ITFG2: variants seen among roughly 807,000 people sequenced by gnomAD.
ITFG2 encodes the protein integrin alpha FG-GAP repeat containing 2, also known as KICSTOR complex protein ITFG2.
A neutral mutation model predicts 54.4 loss-of-function variants in ITFG2; 36 were observed. The observed-to-expected ratio is 0.66, with a 90% CI of 0.51 to 0.87. The LOEUF is 0.87. ITFG2 is among the 40% of genes least tolerant of loss of function. The probability of loss-of-function intolerance (pLI) is 0.00; values close to 1 mark genes in which losing one functional copy is unlikely to be tolerated. For missense variants in ITFG2, 524 were observed against 576.7 expected (o/e 0.91, Z 0.94); for synonymous variants, 211 against 225.4 (o/e 0.94, Z 0.57).
At chr12:2,827,950 C>G, downstream of ITFG2, 1 of 1,614,216 alleles carries the variant, frequency 6.2e-7, no homozygotes, top group Non-Finnish European at 8.5e-7. This position sits in a 1 kb window ranked among gnomAD's most constrained non-coding sequence, Gnocchi z 4.0. Context: ...GAGCACACCA[C>G]AGTCTCCTGC....
At chr12:2,854,992 T>C in intron 2 of ITFG2, 1 of 1,536,166 alleles carries the variant, frequency 6.5e-7, no homozygotes, top group Non-Finnish European at 8.7e-7. Context: ...CTCCTTCAAC[T>C]CCTTCACTGT....
chr12:2,815,850 T>C (rs2097920101), intron 1 of ITFG2, among the ~76,000 whole-genome samples: 1 of 152,146 alleles, frequency 6.6e-6, no homozygotes, highest in South Asian at 2.1e-4. Flanking sequence ...TATGGTTGTG[T>C]TGGCCTCAAA....
chr12:2,822,252 C>T (rs746993426), intron 9 of ITFG2, among the ~76,000 whole-genome samples: 21 of 152,188 alleles, frequency 1.4e-4, no homozygotes, highest in Non-Finnish European at 2.9e-4. Flanking sequence ...CTAAATCCAT[C>T]TGAAGCGAGT....
chr12:2,852,369 GT>G (rs71441694), intron 2 of ITFG2, among the ~76,000 whole-genome samples: 186 of 149,762 alleles, frequency 1.2e-3, no homozygotes, highest in African/African-American at 4.0e-3. Flanking sequence ...TGTGGGAACT[GT>G]TTTTTTTTTC....
rs564138795 is a variant in ITFG2 at position 2,820,388 on chromosome 12, G to A, written c.546+163G>A. Among the ~76,000 whole-genome samples the A allele has an allele frequency of 5.9e-5, 9 of 152,246 alleles. No individual in the cohort carries two copies. The East Asian group carries it at 1.5e-3, about 26-fold the overall frequency. ...GACCATTTCAAATCAGGGGCTTAGG[G>A]GAAATTGCTAGTAACAGGCAAAGAG... On this transcript the variant is annotated intron_variant, in intron 5 of 11. Transcript: ENST00000228799.
chr12:2,852,193 C>T (rs934821765), intron 2 of ITFG2, among the ~76,000 whole-genome samples: 1 of 152,148 alleles, frequency 6.6e-6, no homozygotes. Context: ...GAGACACATT[C>T]CTTCATTCCT....
At chr12:2,847,614 C>T (rs2098056836) in intron 2 of ITFG2, among the ~76,000 whole-genome samples, 1 of 150,636 alleles carries the variant, frequency 6.6e-6, no homozygotes, top group African/African-American at 2.5e-5. Flanking sequence ...TTGCAGTGAG[C>T]CAAGATCACG....
chr12:2,823,965 G>A lies in ITFG2; in HGVS notation c.1240+22G>A, dbSNP rs766246469. On this transcript the variant is annotated intron_variant, in intron 11 of 11. Transcript: ENST00000228799. ...GTGGGTGAGTCCCAGAAAAGCCAGT[G>A]GCCCGAGTGCCCAGGAGACCCACAG... 304 of 1,612,054 alleles carry A rather than the reference G, an allele frequency of 1.9e-4. 4 individuals carry two copies. In the South Asian group the frequency reaches 2.7e-3, roughly 14 times the overall value.
intron 2 of ITFG2, among the ~76,000 whole-genome samples, chr12:2,841,532 T>C (rs2098041060): frequency 6.6e-6 from 1 of 152,160 alleles, no homozygotes; most frequent in Non-Finnish European, 1.5e-5. Flanking sequence ...TTATTGGTGA[T>C]CCTAAACTCA....
chr12:2,832,486 C>T (rs188739527), upstream of ITFG2, among the ~76,000 whole-genome samples: 173 of 152,108 alleles, frequency 1.1e-3, no homozygotes, highest in Admixed American at 3.1e-3. Flanking sequence ...ACTGGCTTAA[C>T]ACACTTTATT....
chr12:2,837,393 G>A (rs1468341205), intron 1 of ITFG2, among the ~76,000 whole-genome samples: 1 of 152,122 alleles, frequency 6.6e-6, no homozygotes, highest in African/African-American at 2.4e-5. Flanking sequence ...CAGGAGAATG[G>A]CGTGAACCCG....
At chr12:2,841,599 G>A (rs2098041167) in intron 2 of ITFG2, among the ~76,000 whole-genome samples, 1 of 152,176 alleles carries the variant, frequency 6.6e-6, no homozygotes, top group Admixed American at 6.6e-5. Context: ...TTGAGATGTG[G>A]CCAATCTGAA....
chr12:2,849,144 C>T, intron 2 of ITFG2: 1 of 1,387,712 alleles, frequency 7.2e-7, no homozygotes, highest in Non-Finnish European at 9.5e-7. Context: ...CTTTTGCTAC[C>T]CCAGGGCCTC....
chr12:2,813,017 G>C (rs1257670621), intron 1 of ITFG2, 161 bp downstream of exon 1: 4 of 568,486 alleles, frequency 7.0e-6, no homozygotes, highest in African/African-American at 5.5e-5. Context: ...TTCAGTGTTC[G>C]TGGTTGGTTT....
intron 1 of ITFG2, among the ~76,000 whole-genome samples, chr12:2,838,315 A>G (rs1334837668): frequency 6.6e-6 from 1 of 152,232 alleles, no homozygotes; most frequent in Non-Finnish European, 1.5e-5. Context: ...ATTCTTCAGC[A>G]TCTTCAAGAG....
At position 2,818,115 on chromosome 12, in the gene ITFG2, G is replaced by A. The variant is rs2097928155; in HGVS notation, c.244G>A (p.Val82Met). The change falls in exon 4 of 12, where the codon GTG (valine) becomes ATG (methionine). Residue 82 changes from valine to methionine, a missense_variant. Val to Met is a conservative substitution (Grantham distance 21, BLOSUM62 1). Transcript: ENST00000228799. ...CCTCTGTTTGTCCTAGAACCTGTTG[G>A]TGGCAGTGAGTGCTGAAGGCTGGTT... ...DVCNKGKNLLVAVSAEGWFHL... is the reference protein window; with the variant it reads ...DVCNKGKNLLMAVSAEGWFHL... 1 of 1,613,910 alleles carries A rather than the reference G, an allele frequency of 6.2e-7. No homozygotes were observed. The highest frequency in any genetic ancestry group is 1.7e-5 in the Admixed American group (1 of 59,994).
chr12:2,835,146 G>T, upstream of ITFG2: 7 of 1,400,308 alleles, frequency 5.0e-6, no homozygotes, highest in Non-Finnish European at 6.4e-6. Flanking sequence ...AGAGCGGGCG[G>T]TGGATGGGGC....
chr12:2,831,402 G>A (rs1393546045), downstream of ITFG2, among the ~76,000 whole-genome samples: 3 of 151,832 alleles, frequency 2.0e-5, no homozygotes, highest in Non-Finnish European at 4.4e-5. Context: ...TGGCCAACAT[G>A]GTGAAACCCT....
downstream of ITFG2, chr12:2,827,126 T>C: frequency 6.3e-7 from 1 of 1,598,286 alleles, no homozygotes; most frequent in Non-Finnish European, 8.5e-7. This position sits in a 1 kb window ranked among gnomAD's most constrained non-coding sequence, Gnocchi z 4.0. Context: ...CCCAGCTACC[T>C]GGCTTCAAGA....
Sources: gnomAD v4.1 joint callset for allele counts (sites outside exome capture counted in the v4.1 genomes callset) on GRCh38, gnomAD v4.1.1 for gene constraint, Gnocchi (gnomAD v3.1) non-coding constraint, MANE v1.5 for transcripts, NCBI Gene and HGNC (gene_info 2026-07-23, HGNC 2026-07-21) for gene names.